The following NUDT2 variants were observed in gnomAD, a reference collection of about 807,000 sequenced individuals.
NUDT2 encodes the protein nudix hydrolase 2, also known as bis(5'-nucleosyl)-tetraphosphatase [asymmetrical].
In NUDT2, 12 loss-of-function variants were observed where a neutral mutation model predicts 14.2. The observed-to-expected ratio is 0.84, with a 90% CI of 0.54 to 1.37. NUDT2 has a LOEUF of 1.37. Among genes scored for constraint, NUDT2 ranks in the 40% most tolerant of loss-of-function variants. The pLI is 0.00. For synonymous variants in NUDT2, 67 were observed against 67.4 expected, an observed-to-expected ratio of 0.99 and a Z score of 0.03; for missense variants, 167 against 176.7, an observed-to-expected ratio of 0.95 and a Z score of 0.31.
intron 1 of NUDT2, among the ~76,000 whole-genome samples, chr9:34,330,464 A>G (rs190061610): frequency 1.3e-5 from 2 of 152,232 alleles, no homozygotes; most frequent in Admixed American, 6.5e-5. Context: ...GTAAAACGCT[A>G]TTATAGAGTT....
intron 4 of NUDT2, among the ~76,000 whole-genome samples, chr9:34,341,462 C>A (rs1434465029): frequency 2.6e-5 from 4 of 152,142 alleles, no homozygotes; most frequent in African/African-American, 9.7e-5. Flanking sequence ...AGAGAAAATT[C>A]CCCAGAAGCT....
At chr9:34,335,675 A>G (rs1299169833) in intron 1 of NUDT2, among the ~76,000 whole-genome samples, 7 of 152,254 alleles carry the variant, frequency 4.6e-5, no homozygotes, top group African/African-American at 1.7e-4. Context: ...TGTTCTTTCC[A>G]TGGGTCCAGA....
In NUDT2 at chr9:34,339,993, G is replaced by A. The variant is rs138749174; in HGVS notation, c.127+827G>A. ...TTTGTCGCCCAGGCTGGAGAGCAGT[G>A]GGGCAATCTCAGCTCACTGCAACCT... On this transcript the variant is annotated intron_variant, in intron 4 of 4. Coordinates refer to ENST00000379158, the MANE Select transcript of NUDT2 (RefSeq NM_001161.5). 6.6e-5 allele frequency among the ~76,000 whole-genome samples: 10 copies of A among 151,494 alleles called. No homozygotes were observed. The East Asian group carries it at 1.8e-3, about 27-fold the overall frequency.
Position 34,343,588 on chromosome 9 carries a change from G to A in NUDT2, c.*148G>A, listed in dbSNP as rs571263072. On this transcript the variant is annotated 3_prime_UTR_variant, in exon 5 of 5. Transcript: ENST00000379158. Reference sequence around the variant, plus strand: ...TGAAATCGGCTCAACTCCCAGGTGAGAGCAAGCAAAAATCTTGGCTGGGTG... The same window carrying A: ...TGAAATCGGCTCAACTCCCAGGTGAAAGCAAGCAAAAATCTTGGCTGGGTG... The A allele has an allele frequency of 3.1e-4, 211 of 683,090 alleles. 3 individuals are homozygous for A. In the South Asian group the frequency reaches 5.2e-3, roughly 17 times the overall value. 42.3% of individuals were successfully genotyped at this position (683,090 alleles called of 1,614,324 possible).
At chr9:34,334,214 C>T (rs957245714) in intron 1 of NUDT2, among the ~76,000 whole-genome samples, 13 of 152,096 alleles carry the variant, frequency 8.5e-5, no homozygotes, top group African/African-American at 1.4e-4. Context: ...ACCTAGGTCC[C>T]GAACCTCCTA....
intron 1 of NUDT2, among the ~76,000 whole-genome samples, chr9:34,330,512 T>C (rs967868792): frequency 1.4e-5 from 2 of 144,782 alleles, no homozygotes; most frequent in African/African-American, 4.9e-5. Flanking sequence ...CAGGCAGACC[T>C]ACATTTGAGT....
chr9:34,337,855 T>A (rs942180275), intron 2 of NUDT2, among the ~76,000 whole-genome samples: 1 of 151,932 alleles, frequency 6.6e-6, no homozygotes, highest in East Asian at 1.9e-4. Flanking sequence ...ACTTCTTTTT[T>A]TGAGACAGAG....
rs532314098 is a variant in NUDT2, at chr9:34,340,182, C to T, written c.127+1016C>T. Among the ~76,000 whole-genome samples, 15 of 152,228 alleles carry T rather than the reference C, an allele frequency of 9.9e-5. No homozygotes were observed. The South Asian group carries it at 1.0e-3, about 11-fold the overall frequency. Reference sequence around the variant, plus strand: ...AACTCCTGACCTCAGGTGATCTGCCCGTCTGAGCCTCCCAAAGTGCTGGGA... The same window carrying T: ...AACTCCTGACCTCAGGTGATCTGCCTGTCTGAGCCTCCCAAAGTGCTGGGA... On this transcript the variant is annotated intron_variant, in intron 4 of 4. Transcript: ENST00000379158.
intron 1 of NUDT2, among the ~76,000 whole-genome samples, chr9:34,333,451 AC>A (rs1437963188): frequency 6.6e-6 from 1 of 151,838 alleles, no homozygotes; most frequent in South Asian, 2.1e-4. Flanking sequence ...GCATAGCAAG[AC>A]CCCATCTCTA....
intron 1 of NUDT2, among the ~76,000 whole-genome samples, chr9:34,333,555 C>T (rs1587988304): frequency 6.8e-6 from 1 of 147,876 alleles, no homozygotes; most frequent in Admixed American, 6.9e-5. Context: ...ATTCCTTGAG[C>T]CCAGAAGGGA....
chr9:34,340,496 A>G (rs1176692457), intron 4 of NUDT2, among the ~76,000 whole-genome samples: 2 of 152,214 alleles, frequency 1.3e-5, no homozygotes, highest in Admixed American at 1.3e-4. Context: ...CCTTGAGTCT[A>G]TCACTCAGCA....
chr9:34,330,388 G>A (rs1837870291), intron 1 of NUDT2, among the ~76,000 whole-genome samples: 2 of 152,224 alleles, frequency 1.3e-5, no homozygotes, highest in African/African-American at 4.8e-5. Flanking sequence ...CTGGGCGACA[G>A]AGCGAGACTC....
At position 34,339,153 on chromosome 9, in the gene NUDT2, G is replaced by T; in HGVS notation, c.114G>T (p.Trp38Cys). Residue 38 changes from tryptophan (W) to cysteine (C), a missense_variant, in exon 4 of 5, where the codon TGG becomes TGT. Coordinates refer to ENST00000379158, the MANE Select transcript of NUDT2 (RefSeq NM_001161.5). ...AGGCATCAGATGGCATTCATCACTG[G>T]ACTCCTCCCAAAGGTAGAGGCCAGA... ...LLQASDGIHHWTPPKGHVEPG... is the reference protein window; with the variant it reads ...LLQASDGIHHCTPPKGHVEPG... The T allele has an allele frequency of 1.2e-6, 2 of 1,613,708 alleles. No homozygotes were observed. Among genetic ancestry groups the T allele is most frequent in the Non-Finnish European group, 1.7e-6 (2 of 1,179,646 alleles).
intron 3 of NUDT2, 56 bp from the exon 4 acceptor site, chr9:34,338,968 G>A: frequency 1.3e-6 from 2 of 1,488,548 alleles, no homozygotes; most frequent in Non-Finnish European, 1.8e-6. Flanking sequence ...CTACCCCCCA[G>A]TATGGAGCTT....
At position 34,343,324 on chromosome 9, in the gene NUDT2, G is replaced by A. The variant is rs772008220; in HGVS notation, c.328G>A (p.Glu110Lys). Reference sequence around the variant, plus strand: ...TGACGTGGAGATCCGCCTCTCCCATGAGCACCAAGCCTACCGCTGGCTGGG... The same window carrying A: ...TGACGTGGAGATCCGCCTCTCCCATAAGCACCAAGCCTACCGCTGGCTGGG... ...DYDVEIRLSHEHQAYRWLGLE... is the reference protein window; with the variant it reads ...DYDVEIRLSHKHQAYRWLGLE... The change falls in exon 5 of 5, where the codon GAG (glutamate) becomes AAG (lysine). Residue 110 changes from glutamate to lysine, a missense_variant. Transcript: ENST00000379158. The A allele has an allele frequency of 1.2e-6, 2 of 1,613,744 alleles. No homozygotes were observed. The highest frequency in any genetic ancestry group is 2.2e-5 in the South Asian group (2 of 91,076).
Position 34,343,303 on chromosome 9 carries a change from G to C in NUDT2, c.307G>C (p.Val103Leu), listed in dbSNP as rs139349384. 1.9e-6 allele frequency: 3 copies of C among 1,611,892 alleles called. No homozygotes were observed. The South Asian group carries it at 3.3e-5, about 18-fold the overall frequency. ...YWLAEVKDYDVEIRLSHEHQA... is the reference protein window; with the variant it reads ...YWLAEVKDYDLEIRLSHEHQA... ...GCTGGCGGAGGTGAAGGACTATGAC[G>C]TGGAGATCCGCCTCTCCCATGAGCA... The change falls in exon 5 of 5, where the codon GTG (valine) becomes CTG (leucine). Residue 103 changes from valine to leucine, a missense_variant. Physicochemically the swap from Val to Leu is conservative, Grantham distance 32 (BLOSUM62 1). Transcript: ENST00000379158.
Position 34,343,548 on chromosome 9 carries a change from C to T in NUDT2, c.*108C>T. 2.0e-6 allele frequency: 2 copies of T among 1,024,156 alleles called. No individual in the cohort carries two copies. Among genetic ancestry groups the T allele is most frequent in the Non-Finnish European group, 2.7e-6 (2 of 731,128 alleles). 63.4% of individuals were successfully genotyped at this position (1,024,156 alleles called of 1,614,324 possible). On this transcript the variant is annotated 3_prime_UTR_variant, in exon 5 of 5. Transcript: ENST00000379158. Reference sequence around the variant, plus strand: ...TGTGCTGGTATTTGGCTCATGACAGCCAAGAGCAGATTTGTGAAATCGGCT... The same window carrying T: ...TGTGCTGGTATTTGGCTCATGACAGTCAAGAGCAGATTTGTGAAATCGGCT...
chr9:34,339,939 T>G (rs1171814086), intron 4 of NUDT2, among the ~76,000 whole-genome samples: 1 of 110,084 alleles, frequency 9.1e-6, no homozygotes, highest in Non-Finnish European at 2.5e-5. Flanking sequence ...GGTTTTTCTT[T>G]TCTTTTTTTT....
intron 1 of NUDT2, among the ~76,000 whole-genome samples, chr9:34,335,105 GCCATGT>G (rs1838057347): frequency 6.6e-6 from 1 of 152,144 alleles, no homozygotes; most frequent in Non-Finnish European, 1.5e-5. Flanking sequence ...TGAGTCCTGG[GCCATGT>G]GTGCAGTCAG....
Sources: gnomAD v4.1 joint callset for allele counts (sites outside exome capture counted in the v4.1 genomes callset) on GRCh38, gnomAD v4.1.1 for gene constraint, MANE v1.5 for transcripts, NCBI Gene and HGNC (gene_info 2026-07-23, HGNC 2026-07-21) for gene names.